NAA16: variants seen among roughly 807,000 people sequenced by gnomAD.
NAA16 encodes NARG1-like protein.
In NAA16, 97 loss-of-function variants were observed where a neutral mutation model predicts 110.3. The ratio of observed to expected loss-of-function variants is 0.88; its 90% confidence interval spans 0.75 to 1.04. The LOEUF (loss-of-function observed/expected upper bound fraction) is 1.04. Ranked by LOEUF, NAA16 falls within the 50% of genes least tolerant of loss-of-function variation. NAA16 has a pLI of 0.00. For missense variants in NAA16, 1,017 were observed against 1,005.1 expected (o/e 1.01, Z -0.16); for synonymous variants, 372 against 330.6 (o/e 1.13, Z -1.36).
intron 12 of NAA16, among the ~76,000 whole-genome samples, chr13:41,361,808 T>A (rs566998000): frequency 1.3e-5 from 2 of 152,332 alleles, no homozygotes; most frequent in East Asian, 3.9e-4. Flanking sequence ...CCCTTTAATA[T>A]CTTTAGACCA....
intron 13 of NAA16, 141 bp downstream of exon 13, chr13:41,362,300 T>G (rs1289942947): frequency 3.8e-6 from 3 of 783,456 alleles, no homozygotes; most frequent in Non-Finnish European, 5.8e-6. Flanking sequence ...ACCTTTACAT[T>G]CAGAAGTTGT....
At chr13:41,351,699 C>G (rs1462300931) in intron 9 of NAA16, among the ~76,000 whole-genome samples, 1 of 152,128 alleles carries the variant, frequency 6.6e-6, no homozygotes, top group Non-Finnish European at 1.5e-5. Flanking sequence ...CCATCTTGAT[C>G]TAATGTAGCT....
intron 12 of NAA16, among the ~76,000 whole-genome samples, 196 bp downstream of exon 12, chr13:41,359,158 T>C (rs954586884): frequency 5.3e-5 from 8 of 152,184 alleles, no homozygotes; most frequent in Admixed American, 4.6e-4. Context: ...TGTATATGTT[T>C]CTGGCAGGGG....
chr13:41,352,863 G>A (rs1027341114), intron 9 of NAA16, among the ~76,000 whole-genome samples: 5 of 152,032 alleles, frequency 3.3e-5, no homozygotes, highest in African/African-American at 1.2e-4. Context: ...CTTTTATGAA[G>A]GATTATATGT....
chr13:41,314,380 T>A (rs1455835797), intron 1 of NAA16, among the ~76,000 whole-genome samples: 1 of 152,218 alleles, frequency 6.6e-6, no homozygotes, highest in Non-Finnish European at 1.5e-5. Context: ...TGAGACAGAC[T>A]TGTAGTCAAA....
intron 9 of NAA16, among the ~76,000 whole-genome samples, chr13:41,350,249 C>T (rs1038246324): frequency 4.0e-4 from 60 of 151,302 alleles, no homozygotes; most frequent in African/African-American, 1.2e-3. Flanking sequence ...GGTAACACAG[C>T]GAGACCCTGT....
chr13:41,361,115 T>C (rs1186251980), intron 12 of NAA16, among the ~76,000 whole-genome samples: 2 of 152,218 alleles, frequency 1.3e-5, no homozygotes, highest in South Asian at 2.1e-4. Flanking sequence ...TAAATGTCTC[T>C]TCTAAACTGT....
At chr13:41,354,139 T>C (rs1442870628) in intron 9 of NAA16, among the ~76,000 whole-genome samples, 1 of 152,184 alleles carries the variant, frequency 6.6e-6, no homozygotes, top group African/African-American at 2.4e-5. Flanking sequence ...ACATTGTCCA[T>C]TGAACTTTAC....
Position 41,355,193 on chromosome 13 carries a change from CG to C in NAA16, c.1065del (p.Cys356ValfsTer52). On this transcript the variant is annotated frameshift_variant, in exon 10 of 20. Transcript: ENST00000379406. LOFTEE classifies it high-confidence loss of function. ...ACTAATTATGAAGCCTCTCTTAAAA[CG>C]TGTGACTTTTTTAGCCCATATGGTA... Reference protein sequence around the residue: ...LVTNYEASLKTCDFFSPYENG... With the variant: ...LVTNYEASLKXCDFFSPYENG... 1 of 1,587,280 alleles carries C rather than the reference CG, an allele frequency of 6.3e-7. No individual in the cohort carries two copies. Among genetic ancestry groups the C allele is most frequent in the East Asian group, 2.3e-5 (1 of 44,408 alleles).
At chr13:41,369,909 A>T (rs1593531022) in intron 15 of NAA16, among the ~76,000 whole-genome samples, 2 of 152,356 alleles carry the variant, frequency 1.3e-5, no homozygotes, top group African/African-American at 4.8e-5. Context: ...TAAGAACTAT[A>T]ACATAATAAG....
At chr13:41,348,101 T>C (rs2042731421) in intron 9 of NAA16, among the ~76,000 whole-genome samples, 1 of 151,756 alleles carries the variant, frequency 6.6e-6, no homozygotes, top group Non-Finnish European at 1.5e-5. Context: ...ATTATGTAGG[T>C]TTTTTTTTAA....
At chr13:41,367,400 A>G (rs199584988) in intron 13 of NAA16, 39 bp from the exon 14 acceptor site, 66 of 1,427,860 alleles carry the variant, frequency 4.6e-5, no homozygotes, top group Non-Finnish European at 6.3e-5. Context: ...CATTATTGAC[A>G]TAAATGTAAA....
At chr13:41,343,519 T>C (rs1399979795) in intron 9 of NAA16, among the ~76,000 whole-genome samples, 1 of 152,128 alleles carries the variant, frequency 6.6e-6, no homozygotes, top group East Asian at 1.9e-4. Context: ...GCAGTTTCTT[T>C]TTAAAAATTT....
intron 4 of NAA16, among the ~76,000 whole-genome samples, chr13:41,322,589 G>T (rs1212957713): frequency 6.6e-6 from 1 of 152,138 alleles, no homozygotes; most frequent in South Asian, 2.1e-4. Flanking sequence ...TGACAGAGAA[G>T]CAACAGTAAA....
intron 14 of NAA16, 70 bp downstream of exon 14, chr13:41,367,722 A>G: frequency 1.0e-6 from 1 of 978,628 alleles, no homozygotes; most frequent in Non-Finnish European, 1.5e-6. Context: ...CGTAAACAAT[A>G]CCTAGAAAAA....
chr13:41,311,637 A>C, intron 1 of NAA16, 55 bp downstream of exon 1: 1 of 1,541,730 alleles, frequency 6.5e-7, no homozygotes, highest in Non-Finnish European at 8.8e-7. Flanking sequence ...CTCGGGCCTT[A>C]AGGGCAAGCG....
intron 7 of NAA16, among the ~76,000 whole-genome samples, chr13:41,329,140 C>T (rs1285556129): frequency 6.6e-6 from 1 of 151,850 alleles, no homozygotes; most frequent in Admixed American, 6.6e-5. Flanking sequence ...AGAGTAGGGA[C>T]ATGGGAAAGA....
intron 15 of NAA16, among the ~76,000 whole-genome samples, chr13:41,369,582 G>A (rs2043276486): frequency 6.6e-6 from 1 of 152,168 alleles, no homozygotes; most frequent in South Asian, 2.1e-4. Context: ...GTGGGAGATG[G>A]AATTTATGGT....
At chr13:41,352,987 G>C (rs1395444907) in intron 9 of NAA16, among the ~76,000 whole-genome samples, 1 of 151,790 alleles carries the variant, frequency 6.6e-6, no homozygotes, top group Non-Finnish European at 1.5e-5. Context: ...TGTGGTGGCG[G>C]GTGCCTGTAA....
Sources: allele counts gnomAD v4.1 joint callset (sites outside exome capture counted in the v4.1 genomes callset), GRCh38; gene constraint gnomAD v4.1.1; transcripts MANE v1.5; gene names NCBI Gene and HGNC (gene_info 2026-07-23, HGNC 2026-07-21).